Variants in GALNT16 observed in about 807,000 individuals in gnomAD.
GALNT16 encodes polypeptide N-acetylgalactosaminyltransferase 16.
A neutral mutation model predicts 76.1 loss-of-function variants in GALNT16; 40 were observed. That is an observed-to-expected ratio of 0.53 (90% CI 0.41 to 0.68). The LOEUF (loss-of-function observed/expected upper bound fraction) is 0.68. Ranked by LOEUF, GALNT16 falls within the 30% of genes least tolerant of loss-of-function variation. GALNT16 has a pLI of 0.00. For missense variants in GALNT16, 621 were observed against 731.9 expected (o/e 0.85, Z 1.75); for synonymous variants, 276 against 285.2 (o/e 0.97, Z 0.32).
At chr14:69,273,092 A>G (rs2044426546) in intron 1 of GALNT16, among the ~76,000 whole-genome samples, 1 of 152,244 alleles carries the variant, frequency 6.6e-6, no homozygotes, top group South Asian at 2.1e-4. Flanking sequence ...TTGGTTCCTA[A>G]TTCACCATTA....
At chr14:69,272,300 T>G (rs1464650842) in intron 1 of GALNT16, among the ~76,000 whole-genome samples, 3 of 152,024 alleles carry the variant, frequency 2.0e-5, no homozygotes, top group Non-Finnish European at 4.4e-5. Flanking sequence ...AAGGTGGAGT[T>G]TGCAGTGAGC....
chr14:69,327,598 C>A (rs1303881217), intron 5 of GALNT16, among the ~76,000 whole-genome samples: 1 of 152,176 alleles, frequency 6.6e-6, no homozygotes, highest in East Asian at 1.9e-4. Context: ...TTTTGGCTGG[C>A]TGGCGGGCTG....
At chr14:69,304,187 A>C (rs1032528343) in intron 1 of GALNT16, among the ~76,000 whole-genome samples, 7 of 152,230 alleles carry the variant, frequency 4.6e-5, no homozygotes, top group Non-Finnish European at 1.0e-4. Flanking sequence ...AACCAATCGC[A>C]GGTTAAATAA....
At chr14:69,310,502 A>G (rs913026924) in intron 1 of GALNT16, among the ~76,000 whole-genome samples, 1 of 152,190 alleles carries the variant, frequency 6.6e-6, no homozygotes, top group Non-Finnish European at 1.5e-5. Context: ...GGTGGCCATA[A>G]AGGGAAACAT....
intron 12 of GALNT16, among the ~76,000 whole-genome samples, chr14:69,345,574 C>A (rs2045550435): frequency 6.6e-6 from 1 of 152,120 alleles, no homozygotes; most frequent in Admixed American, 6.5e-5. Flanking sequence ...TGTAATCCCT[C>A]CTGCTCCCCT....
chr14:69,276,259 C>T (rs1205146136), intron 1 of GALNT16, among the ~76,000 whole-genome samples: 1 of 152,156 alleles, frequency 6.6e-6, no homozygotes, highest in East Asian at 1.9e-4. Context: ...AGATACACAG[C>T]GCACTTATGA....
chr14:69,291,973 G>A (rs943140061), intron 1 of GALNT16, among the ~76,000 whole-genome samples: 1 of 152,170 alleles, frequency 6.6e-6, no homozygotes, highest in Non-Finnish European at 1.5e-5. Context: ...ACTTGGGAGG[G>A]GTTCAGATAC....
chr14:69,312,088 T>C (rs1055032505), intron 1 of GALNT16, among the ~76,000 whole-genome samples: 1 of 151,162 alleles, frequency 6.6e-6, no homozygotes, highest in Non-Finnish European at 1.5e-5. Context: ...TATCTATCTA[T>C]CTATCTATCT....
intron 1 of GALNT16, among the ~76,000 whole-genome samples, chr14:69,290,254 A>G (rs1234365759): frequency 1.3e-5 from 2 of 152,210 alleles, no homozygotes; most frequent in Admixed American, 6.5e-5. Flanking sequence ...GATCTTTGCA[A>G]GGTTCTTAGG....
the GALNT16 span, among the ~76,000 whole-genome samples, chr14:69,379,674 C>T: frequency 1.3e-5 from 2 of 152,098 alleles, no homozygotes; most frequent in East Asian, 3.8e-4. Context: ...AAAAAAACAA[C>T]AACAAAAAAG....
At chr14:69,310,190 C>G (rs1038932102) in intron 1 of GALNT16, among the ~76,000 whole-genome samples, 5 of 151,870 alleles carry the variant, frequency 3.3e-5, no homozygotes, top group African/African-American at 4.8e-5. Flanking sequence ...CTACTATATA[C>G]TACTATATAG....
intron 2 of GALNT16, among the ~76,000 whole-genome samples, chr14:69,322,801 G>C (rs2140165649): frequency 6.6e-6 from 1 of 152,280 alleles, no homozygotes; most frequent in East Asian, 1.9e-4. Context: ...TAAGGCAGGA[G>C]AATCTCTTGA....
intron 2 of GALNT16, among the ~76,000 whole-genome samples, chr14:69,322,983 CGCGCGCACGCGCGCACGCAT>C (rs201276114): frequency 0.26 from 11,678 of 45,556 alleles, 1,398 homozygotes; most frequent in African/African-American, 0.47. Context: ...TGTGTGTGTG[CGCGCGCACGCGCGCACGCAT>C]GCACACGTGT....
chr14:69,341,651 C>T (rs2045487396), intron 11 of GALNT16, 30 bp from the exon 12 acceptor site: 1 of 1,523,162 alleles, frequency 6.6e-7, no homozygotes, highest in Non-Finnish European at 9.0e-7. Flanking sequence ...CACTGGCAGG[C>T]CAAAGCCCAA....
At chr14:69,320,578 C>G (rs187631917) in intron 1 of GALNT16, 133 bp from the exon 2 acceptor site, 14 of 670,124 alleles carry the variant, frequency 2.1e-5, no homozygotes, top group Non-Finnish European at 3.2e-5. Flanking sequence ...AGATAATGGT[C>G]TCCTCCTCAT....
In GALNT16 at chr14:69,287,088, C is replaced by G. The variant is rs2044623428; in HGVS notation, c.177+26621C>G. Among the ~76,000 whole-genome samples, 3 of 152,310 alleles carry G rather than the reference C, an allele frequency of 2.0e-5. No homozygotes were observed. In the South Asian group the frequency reaches 6.2e-4, roughly 32 times the overall value. ...TGAGTCACTCACCATTCCTGGTTTTCCAGATCAAGACCCCACACACCTCAC... is the reference window on the plus strand; with the variant it reads ...TGAGTCACTCACCATTCCTGGTTTTGCAGATCAAGACCCCACACACCTCAC... On this transcript the variant is annotated intron_variant, in intron 1 of 14. Transcript: ENST00000448469.
rs771416489 is a variant in GALNT16, at chr14:69,320,883, G to T, written c.335+15G>T. ...CGCCATTACAGGTACGGCCTCCATC[G>T]TGTCAGTGGAGGAAGAAAGACTGAG... On this transcript the variant is annotated intron_variant, in intron 2 of 14. Transcript: ENST00000448469. The T allele has an allele frequency of 6.2e-7, 1 of 1,608,908 alleles. No individual in the cohort carries two copies. The highest frequency in any genetic ancestry group is 8.5e-7 in the Non-Finnish European group (1 of 1,177,416).
At chr14:69,350,668 C>T (rs1325290655) in intron 14 of GALNT16, 1 of 152,370 alleles carries the variant, frequency 6.6e-6, no homozygotes, top group African/African-American at 2.4e-5. Flanking sequence ...CTAGCCCTAT[C>T]CCTGCAGCTG....
the GALNT16 span, among the ~76,000 whole-genome samples, chr14:69,375,519 TGAA>T: frequency 6.6e-6 from 1 of 152,220 alleles, no homozygotes; most frequent in East Asian, 1.9e-4. Context: ...AGCCTGTAGA[TGAA>T]GGTGGGAGTT....
Sources: allele counts gnomAD v4.1 joint callset (sites outside exome capture counted in the v4.1 genomes callset), GRCh38; gene constraint gnomAD v4.1.1; transcripts MANE v1.5; gene names NCBI Gene and HGNC (gene_info 2026-07-23, HGNC 2026-07-21).